Variants in BICDL1 observed in about 807,000 individuals in gnomAD.
The protein encoded by BICDL1 is BICD family-like cargo adapter 1.
Under a neutral mutation model 76.8 loss-of-function variants are expected in BICDL1, and 20 were observed. That is an observed-to-expected ratio of 0.26 (90% confidence interval 0.18 to 0.38). BICDL1 has a LOEUF of 0.38. Among genes scored for constraint, BICDL1 ranks in the 10% least tolerant of loss-of-function variants. The probability of loss-of-function intolerance (pLI) is 1.00; values close to 1 mark genes in which losing one functional copy is unlikely to be tolerated. For missense variants in BICDL1, 700 were observed against 798.6 expected, an observed-to-expected ratio of 0.88 and a Z score of 1.49; for synonymous variants, 383 against 337.1, an observed-to-expected ratio of 1.14 and a Z score of -1.49.
intron 9 of BICDL1, 112 bp downstream of exon 9, chr12:120,090,183 C>A: frequency 8.2e-7 from 1 of 1,226,548 alleles, no homozygotes; most frequent in Non-Finnish European, 1.1e-6. Flanking sequence ...ACTGGGTGAA[C>A]AGCACATCCC....
intron 9 of BICDL1, chr12:120,091,352 AAAAAATGAAG>A: frequency 1.0e-6 from 1 of 1,001,906 alleles, no homozygotes; most frequent in Non-Finnish European, 1.2e-6. Context: ...CTTAAAGTTA[AAAAAATGAAG>A]TTTTCAGTGT....
intron 2 of BICDL1, among the ~76,000 whole-genome samples, chr12:120,028,172 G>A (rs1157209815): frequency 2.6e-5 from 4 of 152,194 alleles, no homozygotes; most frequent in Non-Finnish European, 5.9e-5. Flanking sequence ...GAATTGGAAT[G>A]TAGCTCTGTC....
chr12:120,000,727 G>C (rs1305901842), intron 2 of BICDL1, among the ~76,000 whole-genome samples: 1 of 152,218 alleles, frequency 6.6e-6, no homozygotes, highest in Non-Finnish European at 1.5e-5. Context: ...CATAGCAAAA[G>C]CTCATGGAGC....
intron 2 of BICDL1, among the ~76,000 whole-genome samples, chr12:120,038,504 A>G (rs958508943): frequency 8.6e-5 from 13 of 151,926 alleles, no homozygotes; most frequent in Admixed American, 2.0e-4. Context: ...AATACATTTG[A>G]TTTCTTTTTT....
chr12:120,021,794 A>T (rs1267273505), intron 2 of BICDL1, among the ~76,000 whole-genome samples: 3 of 141,874 alleles, frequency 2.1e-5, no homozygotes, highest in African/African-American at 7.9e-5. Context: ...AATCCCAGCT[A>T]CTCGGGAGGC....
Position 119,990,355 on chromosome 12 carries a change from G to T in BICDL1, c.429+58G>T, listed in dbSNP as rs913752977. 8.5e-6 allele frequency: 13 copies of T among 1,532,122 alleles called. No individual in the cohort carries two copies. In the African/African-American group the frequency reaches 1.5e-4, roughly 18 times the overall value. The allele number at this position is 1,532,122 out of a possible 1,614,324, so 94.9% of individuals were successfully genotyped here. On this transcript the variant is annotated intron_variant, in intron 1 of 9. Transcript: ENST00000548673. ...CAGGGGCCGCCCAGGCACGCGCCCGGCCCTGGGCAGTTAGGGAACCACTCA... is the reference window on the plus strand; with the variant it reads ...CAGGGGCCGCCCAGGCACGCGCCCGTCCCTGGGCAGTTAGGGAACCACTCA...
intron 2 of BICDL1, among the ~76,000 whole-genome samples, chr12:120,060,114 G>C (rs560412681): frequency 6.6e-6 from 1 of 152,304 alleles, no homozygotes; most frequent in South Asian, 2.1e-4. Context: ...TAACAATCAA[G>C]ATAATGCATT....
At chr12:120,045,105 G>A (rs551477072) in intron 2 of BICDL1, among the ~76,000 whole-genome samples, 35 of 151,972 alleles carry the variant, frequency 2.3e-4, no homozygotes, top group East Asian at 1.4e-3. Flanking sequence ...AAAAGTGGGC[G>A]AAGGACATAA....
chr12:120,013,285 G>C (rs1272418157), intron 2 of BICDL1, among the ~76,000 whole-genome samples: 1 of 148,156 alleles, frequency 6.7e-6, no homozygotes, highest in African/African-American at 2.5e-5. Flanking sequence ...CTTCACTCCA[G>C]CCTGGGGGAC....
At chr12:120,068,080 C>A (rs540765753) in intron 4 of BICDL1, among the ~76,000 whole-genome samples, 1 of 152,200 alleles carries the variant, frequency 6.6e-6, no homozygotes, top group African/African-American at 2.4e-5. Flanking sequence ...GGTGAGGCTC[C>A]CAGGTCCCCT....
chr12:120,025,636 C>G (rs968954205), intron 2 of BICDL1, among the ~76,000 whole-genome samples: 1 of 152,188 alleles, frequency 6.6e-6, no homozygotes, highest in Non-Finnish European at 1.5e-5. Context: ...TCACTCCAGA[C>G]TGTATGCTTT....
Position 119,989,901 on chromosome 12 carries a change from C to A in BICDL1, c.33C>A (p.Arg11=). Residue 11 remains arginine, a synonymous_variant, in exon 1 of 10, where the codon CGC becomes CGA. Transcript: ENST00000548673. ...CTTTCTGCCTGGGCTTGGTCGGCCG[C>A]GCTTCAGCACCCGCCGAGCCGGACA... MSAFCLGLVG[R]ASAPAEPDSA... 6.9e-7 allele frequency: 1 copy of A among 1,443,952 alleles called. No homozygotes were observed. The highest frequency in any genetic ancestry group is 1.4e-5 in the South Asian group (1 of 71,324). 89.4% of individuals were successfully genotyped at this position (1,443,952 alleles called of 1,614,324 possible).
At chr12:120,091,766 A>C in intron 9 of BICDL1, 1 of 985,320 alleles carries the variant, frequency 1.0e-6, no homozygotes, top group Non-Finnish European at 1.2e-6. Context: ...AAACCTGCAG[A>C]GATATTAGAA....
rs749372275 is a variant in BICDL1 at position 119,989,938 on chromosome 12, A to G, written c.70A>G (p.Met24Val). 1.4e-6 allele frequency: 2 copies of G among 1,470,174 alleles called. No homozygotes were observed. The highest frequency in any genetic ancestry group is 8.9e-7 in the Non-Finnish European group (1 of 1,124,590). The allele number at this position is 1,470,174 out of a possible 1,614,324, so 91.1% of individuals were successfully genotyped here. The part of the protein sequence containing the change: ...APAEPDSACC[M>V]ELPAAAGDAV... ...CGCCGAGCCGGACAGCGCCTGCTGC[A>G]TGGAGCTGCCCGCCGCGGCCGGGGA... The change falls in exon 1 of 10, where the codon ATG becomes GTG. Residue 24 changes from methionine to valine, a missense_variant. Transcript: ENST00000548673.
intron 4 of BICDL1, among the ~76,000 whole-genome samples, chr12:120,067,374 G>A (rs150102432): frequency 1.3e-5 from 2 of 152,336 alleles, no homozygotes; most frequent in African/African-American, 4.8e-5. Context: ...GGCAAATCAC[G>A]TAACATCACA....
At chr12:120,064,513 C>T (rs1953177724) in intron 3 of BICDL1, 1 of 312,690 alleles carries the variant, frequency 3.2e-6, no homozygotes, top group Admixed American at 5.1e-5. Context: ...CCAGCTTCCC[C>T]AGAGCTCAAC....
Position 120,055,470 on chromosome 12 carries a change from A to G in BICDL1, c.646-6240A>G, listed in dbSNP as rs1347497379. ...GTGGGGAGGAAGTAATCTGTCCTAG[A>G]TGGTACTCTGACCAACAGGAAAAGG... On this transcript the variant is annotated intron_variant, in intron 2 of 9. Coordinates refer to ENST00000548673, the MANE Select transcript of BICDL1 (RefSeq NM_001367886.1). Among the ~76,000 whole-genome samples, 4 of 152,206 alleles carry G rather than the reference A, an allele frequency of 2.6e-5. No homozygotes were observed. In the East Asian group the frequency reaches 5.8e-4, roughly 22 times the overall value.
Position 120,079,907 on chromosome 12 carries a change from C to T in BICDL1, c.1453-980C>T, listed in dbSNP as rs553594567. Among the ~76,000 whole-genome samples, 10 of 152,328 alleles carry T rather than the reference C, an allele frequency of 6.6e-5. No individual in the cohort carries two copies. The South Asian group carries it at 1.9e-3, about 28-fold the overall frequency. On this transcript the variant is annotated intron_variant, in intron 7 of 9. Coordinates refer to ENST00000548673, the MANE Select transcript of BICDL1 (RefSeq NM_001367886.1). This position sits in a 1 kb window ranked among gnomAD's most constrained non-coding sequence, Gnocchi z 4.3. Reference sequence around the variant, plus strand: ...ACTGGCAAGTTTGGTCACAGGCCCACGCCCAGACTGCCTGGGAAAGGAAAT... The same window carrying T: ...ACTGGCAAGTTTGGTCACAGGCCCATGCCCAGACTGCCTGGGAAAGGAAAT...
intron 9 of BICDL1, chr12:120,091,436 T>C (rs1365727749): frequency 2.0e-6 from 2 of 1,004,818 alleles, no homozygotes; most frequent in Non-Finnish European, 2.4e-6. Context: ...CATTCCTACA[T>C]TGGATTTAGC....
Sources: allele counts gnomAD v4.1 joint callset (sites outside exome capture counted in the v4.1 genomes callset), GRCh38; gene constraint gnomAD v4.1.1; non-coding constraint Gnocchi (gnomAD v3.1); transcripts MANE v1.5; gene names NCBI Gene and HGNC (gene_info 2026-07-23, HGNC 2026-07-21).